GABBR2: variants seen among roughly 807,000 people sequenced by gnomAD.
The protein encoded by GABBR2 is gamma-aminobutyric acid type B receptor subunit 2.
In GABBR2, 23 loss-of-function variants were observed where a neutral mutation model predicts 105.6. The observed-to-expected ratio is 0.22, with a 90% confidence interval of 0.16 to 0.31. The LOEUF (loss-of-function observed/expected upper bound fraction) is 0.31. GABBR2 is among the 10% of genes least tolerant of loss of function. The probability of loss-of-function intolerance (pLI) is 1.00; values close to 1 mark genes in which losing one functional copy is unlikely to be tolerated. For synonymous variants in GABBR2, 478 were observed against 499.7 expected (o/e 0.96, Z 0.58); for missense variants, 734 against 1,245.5 (o/e 0.59, Z 6.18).
intron 13 of GABBR2, among the ~76,000 whole-genome samples, chr9:98,348,875 G>A (rs1031621429): frequency 6.6e-6 from 1 of 152,080 alleles, no homozygotes; most frequent in Admixed American, 6.5e-5. Context: ...CTGCAAAGAG[G>A]AACAATTTGA....
At chr9:98,324,425 G>A (rs1377088096) in intron 13 of GABBR2, among the ~76,000 whole-genome samples, 2 of 151,786 alleles carry the variant, frequency 1.3e-5, no homozygotes, top group African/African-American at 4.8e-5. Flanking sequence ...GAAATGCTGG[G>A]GTCACCTGCT....
Position 98,492,357 on chromosome 9 carries a change from A to T in GABBR2, c.732+4056T>A, listed in dbSNP as rs1050850834. Among the ~76,000 whole-genome samples the T allele has an allele frequency of 1.3e-4, 18 of 133,924 alleles. 1 individual carries two copies. The highest frequency in any genetic ancestry group is 2.6e-4 in the Non-Finnish European group (17 of 64,810). 87.9% of individuals were successfully genotyped at this position (133,924 alleles called of 152,430 possible). On this transcript the variant is annotated intron_variant, in intron 4 of 18. Coordinates refer to ENST00000259455, the MANE Select transcript of GABBR2 (RefSeq NM_005458.8). ...TTAAGTTTGTTTCCTAGTAAAAAAA[A>T]AAAAAAAAAAAAAAAAAAAATTCTT...
chr9:98,344,115 C>T (rs985803152), intron 13 of GABBR2, among the ~76,000 whole-genome samples: 30 of 152,188 alleles, frequency 2.0e-4, no homozygotes, highest in Non-Finnish European at 2.5e-4. Context: ...TCCAAACATG[C>T]ACAGGATCCA....
At chr9:98,625,573 G>A (rs757254332) in intron 1 of GABBR2, among the ~76,000 whole-genome samples, 6 of 152,194 alleles carry the variant, frequency 3.9e-5, no homozygotes, top group Non-Finnish European at 8.8e-5. Flanking sequence ...CCAGGCTGCT[G>A]AGAGTGTCAA....
chr9:98,590,582 C>T (rs1277072106), intron 1 of GABBR2, among the ~76,000 whole-genome samples: 4 of 152,210 alleles, frequency 2.6e-5, no homozygotes, highest in Admixed American at 1.3e-4. Flanking sequence ...CTCGGGCTGC[C>T]GATCAGGAGA....
intron 15 of GABBR2, among the ~76,000 whole-genome samples, chr9:98,303,909 A>G (rs1431131389): frequency 6.6e-6 from 1 of 152,272 alleles, no homozygotes; most frequent in East Asian, 1.9e-4. Flanking sequence ...TTAAAACAAC[A>G]CATGGTTATT....
rs533009474 is a variant in GABBR2, at chr9:98,607,357, A to G, written c.322-29285T>C. On this transcript the variant is annotated intron_variant, in intron 1 of 18. Transcript: ENST00000259455. ...AGGACATGGACTTAAACCATTGAAT[A>G]TTGAGTTTATGAAGCGTTTGCATGA... 24 of 722,610 alleles carry G rather than the reference A, an allele frequency of 3.3e-5. No individual in the cohort carries two copies. The African/African-American group carries it at 3.5e-4, about 11-fold the overall frequency. The allele number at this position is 722,610 out of a possible 1,614,324, so 44.8% of individuals were successfully genotyped here.
chr9:98,533,855 C>T (rs747457179), intron 3 of GABBR2, among the ~76,000 whole-genome samples: 1 of 152,194 alleles, frequency 6.6e-6, no homozygotes, highest in Non-Finnish European at 1.5e-5. Context: ...GAAGAAGTGA[C>T]TGCAGGTGAG....
chr9:98,334,994 T>C (rs1455673914), intron 13 of GABBR2, among the ~76,000 whole-genome samples: 2 of 152,194 alleles, frequency 1.3e-5, no homozygotes, highest in Non-Finnish European at 2.9e-5. Flanking sequence ...TTGGTTTCTG[T>C]GGTCAGTGGT....
At chr9:98,612,194 G>A (rs561982899) in intron 1 of GABBR2, among the ~76,000 whole-genome samples, 8 of 152,334 alleles carry the variant, frequency 5.3e-5, no homozygotes, top group African/African-American at 1.9e-4. Context: ...CAGCTCTGAG[G>A]GGCTCTCAGA....
At chr9:98,435,129 A>G (rs997192347) in intron 7 of GABBR2, among the ~76,000 whole-genome samples, 1 of 152,142 alleles carries the variant, frequency 6.6e-6, no homozygotes, top group Non-Finnish European at 1.5e-5. Flanking sequence ...ATCCTTCTGG[A>G]CCTGATCTTT....
intron 1 of GABBR2, among the ~76,000 whole-genome samples, chr9:98,692,849 T>G (rs1830700688): frequency 6.6e-6 from 1 of 152,220 alleles, no homozygotes; most frequent in South Asian, 2.1e-4. Context: ...TTCTTCCAAA[T>G]GCCTCATTCA....
intron 13 of GABBR2, among the ~76,000 whole-genome samples, chr9:98,313,002 C>T (rs554647980): frequency 7.2e-5 from 11 of 152,258 alleles, no homozygotes; most frequent in South Asian, 4.2e-4. Flanking sequence ...TGCCCGTCTC[C>T]GCCTCCCAAA....
chr9:98,339,909 C>G (rs1013759310), intron 13 of GABBR2, among the ~76,000 whole-genome samples: 1 of 151,618 alleles, frequency 6.6e-6, no homozygotes, highest in African/African-American at 2.4e-5. Context: ...TCTCTCTTTC[C>G]TTCTGGGCAC....
At chr9:98,453,353 C>T (rs1826268263) in intron 7 of GABBR2, among the ~76,000 whole-genome samples, 2 of 152,162 alleles carry the variant, frequency 1.3e-5, no homozygotes, top group Admixed American at 6.5e-5. Context: ...TTTTTCTTTT[C>T]TTTTTTTCAG....
At chr9:98,600,706 C>T (rs1382503833) in intron 1 of GABBR2, among the ~76,000 whole-genome samples, 2 of 152,222 alleles carry the variant, frequency 1.3e-5, no homozygotes, top group African/African-American at 4.8e-5. Flanking sequence ...AACTGGGAGC[C>T]GTCCAAGACT....
chr9:98,449,597 C>T (rs758267048), intron 7 of GABBR2, among the ~76,000 whole-genome samples: 88 of 152,128 alleles, frequency 5.8e-4, no homozygotes, highest in Admixed American at 1.0e-3. Context: ...TTAAATGAAG[C>T]GCCCTGGAAG....
intron 6 of GABBR2, 62 bp downstream of exon 6, chr9:98,473,084 C>A: frequency 7.8e-7 from 1 of 1,274,592 alleles, no homozygotes; most frequent in South Asian, 1.2e-5. Context: ...TGGCCAATGT[C>A]ATCAGACAAG....
At chr9:98,340,675 A>T (rs1831197070) in intron 13 of GABBR2, among the ~76,000 whole-genome samples, 1 of 152,156 alleles carries the variant, frequency 6.6e-6, no homozygotes. Context: ...TACGTAAGGG[A>T]GCATGGCAGA....
Sources: allele counts gnomAD v4.1 joint callset (sites outside exome capture counted in the v4.1 genomes callset), GRCh38; gene constraint gnomAD v4.1.1; transcripts MANE v1.5; gene names NCBI Gene and HGNC (gene_info 2026-07-23, HGNC 2026-07-21).